Variants in CD86 observed in about 807,000 individuals in gnomAD.
CD86 encodes the protein T-lymphocyte activation antigen CD86.
CD86 carries 11 observed loss-of-function variants against 32.1 expected under a neutral mutation model. The ratio of observed to expected loss-of-function variants is 0.34; its 90% CI spans 0.22 to 0.57. The LOEUF (loss-of-function observed/expected upper bound fraction) is 0.57, where lower values mean the gene tolerates loss of function less well. CD86 is among the 20% of genes least tolerant of loss of function. The probability of loss-of-function intolerance (pLI) is 0.86; values close to 1 mark genes in which losing one functional copy is unlikely to be tolerated. For missense variants in CD86, 359 were observed against 398.4 expected, an observed-to-expected ratio of 0.90 and a Z score of 0.84; for synonymous variants, 137 against 135.3, an observed-to-expected ratio of 1.01 and a Z score of -0.09.
intron 1 of CD86, among the ~76,000 whole-genome samples, chr3:122,087,370 A>T: frequency 6.6e-6 from 1 of 152,124 alleles, no homozygotes; most frequent in Non-Finnish European, 1.5e-5. Flanking sequence ...TCCACTTTAC[A>T]GGCCCACTGG....
At chr3:122,107,377 AG>A (rs909587435) in intron 4 of CD86, among the ~76,000 whole-genome samples, 1 of 152,224 alleles carries the variant, frequency 6.6e-6, no homozygotes, top group Non-Finnish European at 1.5e-5. Context: ...GGTATGTCAA[AG>A]AAAGCCTTGG....
At chr3:122,092,522 AG>A (rs1285244600) in intron 2 of CD86, among the ~76,000 whole-genome samples, 3 of 152,302 alleles carry the variant, frequency 2.0e-5, no homozygotes, top group African/African-American at 7.2e-5. Context: ...AAATTTTAAC[AG>A]CATCCAGCCT....
chr3:122,066,393 C>T (rs1331005805), intron 1 of CD86, among the ~76,000 whole-genome samples: 1 of 152,096 alleles, frequency 6.6e-6, no homozygotes, highest in African/African-American at 2.4e-5. Flanking sequence ...TGCCCAGCTG[C>T]TCAGCATTCT....
rs5852291 is a variant in CD86 at position 122,119,862 on chromosome 3, GT to G, written c.*338del. On this transcript the variant is annotated 3_prime_UTR_variant, in exon 7 of 7. Coordinates refer to ENST00000330540, the MANE Select transcript of CD86 (RefSeq NM_175862.5). ...TTCTTCTCTTAATTTCATAGATTGTGTTTTTTTTTTAAATAGACCTCTCAAT... is the reference window on the plus strand; with the variant it reads ...TTCTTCTCTTAATTTCATAGATTGTGTTTTTTTTTAAATAGACCTCTCAAT... 0.3 allele frequency: 52,891 copies of G among 176,698 alleles called. 8,680 individuals carry two copies. Among genetic ancestry groups the G allele is most frequent in the East Asian group, 0.59 (3,572 of 6,058 alleles). The allele number at this position is 176,698 out of a possible 1,614,324, so 10.9% of individuals were successfully genotyped here. A position where few individuals can be genotyped will look rare whatever the true frequency, so the allele number is the denominator to read the frequency against.
intron 3 of CD86, among the ~76,000 whole-genome samples, chr3:122,104,561 T>C (rs1273408365): frequency 2.0e-5 from 3 of 152,198 alleles, no homozygotes; most frequent in Non-Finnish European, 4.4e-5. Flanking sequence ...CCACAGGACA[T>C]AGAGCATTTC....
chr3:122,093,434 T>C (rs1251873484), intron 2 of CD86, among the ~76,000 whole-genome samples: 2 of 152,322 alleles, frequency 1.3e-5, no homozygotes, highest in East Asian at 1.9e-4. Flanking sequence ...ATAATCATCA[T>C]AGGGTGTCCT....
At chr3:122,104,638 C>T (rs1274896618) in intron 3 of CD86, among the ~76,000 whole-genome samples, 1 of 152,164 alleles carries the variant, frequency 6.6e-6, no homozygotes, top group Non-Finnish European at 1.5e-5. Flanking sequence ...ACTCATAACC[C>T]TTGTTGGGCA....
At chr3:122,117,055 T>G (rs530293150) in intron 5 of CD86, among the ~76,000 whole-genome samples, 1 of 152,322 alleles carries the variant, frequency 6.6e-6, no homozygotes, top group Non-Finnish European at 1.5e-5. Context: ...ATTGTTTTTA[T>G]CTTTTATTTT....
intron 1 of CD86, among the ~76,000 whole-genome samples, chr3:122,057,303 T>G (rs1442340680): frequency 6.6e-6 from 1 of 152,200 alleles, no homozygotes; most frequent in Non-Finnish European, 1.5e-5. Context: ...GTGATGGATA[T>G]TTTTCTTGCT....
At chr3:122,076,885 G>T (rs2072563447) in intron 1 of CD86, among the ~76,000 whole-genome samples, 1 of 152,140 alleles carries the variant, frequency 6.6e-6, no homozygotes, top group Non-Finnish European at 1.5e-5. Flanking sequence ...TTCAATAACT[G>T]GCCCAGGGTC....
chr3:122,070,143 A>G (rs1487554481), intron 1 of CD86, among the ~76,000 whole-genome samples: 3 of 152,202 alleles, frequency 2.0e-5, no homozygotes, highest in Non-Finnish European at 4.4e-5. Context: ...ATTCACTTGT[A>G]GAATCCTGAA....
intron 1 of CD86, among the ~76,000 whole-genome samples, chr3:122,056,338 T>C (rs2107491767): frequency 6.6e-6 from 1 of 152,258 alleles, no homozygotes; most frequent in Non-Finnish European, 1.5e-5. Context: ...TTATTTATTT[T>C]TAATTATTTA....
intron 1 of CD86, among the ~76,000 whole-genome samples, chr3:122,065,322 G>A (rs546425191): frequency 1.3e-5 from 2 of 152,278 alleles, no homozygotes; most frequent in East Asian, 3.9e-4. Flanking sequence ...TACGATAAAG[G>A]TAAAAGCCAG....
intron 1 of CD86, among the ~76,000 whole-genome samples, chr3:122,074,372 G>A (rs2072529571): frequency 6.6e-6 from 1 of 152,154 alleles, no homozygotes; most frequent in South Asian, 2.1e-4. Context: ...TTTCACAAAA[G>A]TCTGGATGAA....
intron 2 of CD86, among the ~76,000 whole-genome samples, chr3:122,101,274 G>A (rs2072995010): frequency 6.6e-6 from 1 of 151,836 alleles, no homozygotes; most frequent in Non-Finnish European, 1.5e-5. Context: ...AGTCTTGGGT[G>A]GGGCCAGAGA....
chr3:122,097,216 T>C (rs1015593283), intron 2 of CD86, among the ~76,000 whole-genome samples: 2 of 152,206 alleles, frequency 1.3e-5, no homozygotes, highest in Non-Finnish European at 2.9e-5. Flanking sequence ...ATTTTTCCTT[T>C]CCTTTCTTCA....
chr3:122,064,214 G>A (rs907541187), intron 1 of CD86, among the ~76,000 whole-genome samples: 3 of 151,798 alleles, frequency 2.0e-5, no homozygotes, highest in Non-Finnish European at 2.9e-5. Flanking sequence ...AGGTGGGGAT[G>A]ATGCTGGAGC....
chr3:122,092,156 A>T (rs2072834582), intron 2 of CD86: 1 of 153,132 alleles, frequency 6.5e-6, no homozygotes, highest in Non-Finnish European at 1.5e-5. Flanking sequence ...CAGCCCATGC[A>T]CATACCTCAT....
At chr3:122,119,289 T>C in intron 6 of CD86, 149 bp from the exon 7 acceptor site, 4 of 651,916 alleles carry the variant, frequency 6.1e-6, no homozygotes, top group South Asian at 5.3e-5. Context: ...GGTTCTTTTC[T>C]CTTGCTTTCT....
Sources: gnomAD v4.1 joint callset for allele counts (sites outside exome capture counted in the v4.1 genomes callset) on GRCh38, gnomAD v4.1.1 for gene constraint, MANE v1.5 for transcripts, NCBI Gene and HGNC (gene_info 2026-07-23, HGNC 2026-07-21) for gene names.